BIRC6: variants seen among roughly 807,000 people sequenced by gnomAD.
BIRC6 encodes the protein dual E2 ubiquitin-conjugating enzyme/E3 ubiquitin-protein ligase BIRC6.
BIRC6 carries 98 observed loss-of-function variants against 503.3 expected under a neutral mutation model. The ratio of observed to expected loss-of-function variants is 0.19; its 90% confidence interval spans 0.17 to 0.23. The LOEUF is 0.23. Among genes scored for constraint, BIRC6 ranks in the 10% least tolerant of loss-of-function variants. The pLI is 1.00. For synonymous variants in BIRC6, 2,240 were observed against 2,078.7 expected (o/e 1.08, Z -2.11); for missense variants, 5,360 against 5,806.0 (o/e 0.92, Z 2.50).
At chr2:32,448,997 A>G in intron 22 of BIRC6, 69 bp downstream of exon 22, 1 of 1,433,570 alleles carries the variant, frequency 7.0e-7, no homozygotes, top group Non-Finnish European at 9.6e-7. Flanking sequence ...ATTTGACTTA[A>G]TAGATTATAG....
intron 22 of BIRC6, chr2:32,449,285 G>T: frequency 6.2e-6 from 1 of 161,560 alleles, no homozygotes; most frequent in Non-Finnish European, 1.3e-5. Context: ...AGTTAAAAAA[G>T]ATTTCCTATT....
chr2:32,389,895 C>T (rs185270908), intron 4 of BIRC6, among the ~76,000 whole-genome samples: 50 of 149,402 alleles, frequency 3.3e-4, no homozygotes, highest in Middle Eastern at 6.9e-3. Context: ...GAGTTTCGCT[C>T]GTTGCCCAGG....
chr2:32,469,930 A>G (rs879590143), intron 30 of BIRC6, among the ~76,000 whole-genome samples: 15 of 152,196 alleles, frequency 9.9e-5, no homozygotes, highest in Non-Finnish European at 1.9e-4. Context: ...TCTCTCATTC[A>G]CTAAGTGCTT....
chr2:32,480,975 C>T (rs948581388), intron 37 of BIRC6, among the ~76,000 whole-genome samples: 1 of 151,980 alleles, frequency 6.6e-6, no homozygotes, highest in African/African-American at 2.4e-5. Context: ...GTCCTGTTTG[C>T]TTTTCTCTTT....
intron 21 of BIRC6, 115 bp from the exon 22 acceptor site, chr2:32,448,680 G>A (rs1410291526): frequency 6.3e-6 from 5 of 795,202 alleles, no homozygotes; most frequent in Admixed American, 5.5e-5. Context: ...GAGGGGAGAG[G>A]GGAGAGGGAG....
intron 4 of BIRC6, 75 bp downstream of exon 4, chr2:32,389,018 A>T: frequency 1.0e-6 from 1 of 987,542 alleles, no homozygotes; most frequent in Non-Finnish European, 1.3e-6. Flanking sequence ...AATAACTAGA[A>T]AATCTGGTTA....
intron 10 of BIRC6, among the ~76,000 whole-genome samples, chr2:32,421,507 C>A (rs1309300742): frequency 6.6e-6 from 1 of 152,110 alleles, no homozygotes; most frequent in East Asian, 1.9e-4. Context: ...AGTGATACCT[C>A]CTAAATTTTG....
chr2:32,358,696 G>A (rs2033581759), intron 1 of BIRC6, among the ~76,000 whole-genome samples: 1 of 152,164 alleles, frequency 6.6e-6, no homozygotes. Flanking sequence ...GGCAATTTAG[G>A]GATGCAAACG....
At chr2:32,559,720 TAA>T (rs371576069) in intron 65 of BIRC6, among the ~76,000 whole-genome samples, 6 of 137,994 alleles carry the variant, frequency 4.3e-5, no homozygotes, top group Non-Finnish European at 4.8e-5. Context: ...TCAAAATCTT[TAA>T]AAAAAAAAAA....
intron 12 of BIRC6, among the ~76,000 whole-genome samples, chr2:32,433,358 G>A (rs1188085933): frequency 6.6e-6 from 1 of 152,178 alleles, no homozygotes; most frequent in Non-Finnish European, 1.5e-5. Flanking sequence ...GTGGGTACCA[G>A]GAATTTGCAC....
At chr2:32,513,776 G>A (rs947783324) in intron 54 of BIRC6, among the ~76,000 whole-genome samples, 1 of 152,212 alleles carries the variant, frequency 6.6e-6, no homozygotes, top group African/African-American at 2.4e-5. Flanking sequence ...CGGCGTGGTG[G>A]CGCGTGTCTG....
At chr2:32,585,397 T>G (rs78369995) in intron 66 of BIRC6, among the ~76,000 whole-genome samples, 1 of 152,010 alleles carries the variant, frequency 6.6e-6, no homozygotes, top group African/African-American at 2.4e-5. Flanking sequence ...TTTTTTTTTT[T>G]GAGACAAAGT....
intron 66 of BIRC6, among the ~76,000 whole-genome samples, chr2:32,588,099 C>A (rs1259447932): frequency 6.6e-6 from 1 of 152,162 alleles, no homozygotes. Flanking sequence ...GTGGCTCACG[C>A]CTGTAATCCC....
intron 3 of BIRC6, among the ~76,000 whole-genome samples, chr2:32,385,007 C>A (rs2038230209): frequency 6.6e-6 from 1 of 152,150 alleles, no homozygotes; most frequent in Non-Finnish European, 1.5e-5. Context: ...ATCTAGCTAA[C>A]AAATTAGCAA....
chr2:32,586,095 C>T (rs977932991), intron 66 of BIRC6, among the ~76,000 whole-genome samples: 16 of 152,070 alleles, frequency 1.1e-4, no homozygotes, highest in African/African-American at 3.6e-4. Flanking sequence ...AGTCTAGCTA[C>T]TTCTATTTTT....
intron 42 of BIRC6, 90 bp from the exon 43 acceptor site, chr2:32,489,951 G>T: frequency 3.4e-6 from 3 of 874,954 alleles, no homozygotes; most frequent in Admixed American, 2.0e-5. Context: ...TAAAGAAATA[G>T]TGTCTTGTTT....
At chr2:32,371,898 C>T (rs1437949353) in intron 1 of BIRC6, among the ~76,000 whole-genome samples, 3 of 152,056 alleles carry the variant, frequency 2.0e-5, no homozygotes, top group African/African-American at 7.2e-5. Flanking sequence ...CTCCACCTCC[C>T]TGGTTCCAGT....
At chr2:32,602,380 A>T (rs1209513595) in intron 70 of BIRC6, 1 of 152,212 alleles carries the variant, frequency 6.6e-6, no homozygotes, top group Non-Finnish European at 1.5e-5. Context: ...AAGCTAAAAA[A>T]ATTGATCTCA....
intron 65 of BIRC6, among the ~76,000 whole-genome samples, chr2:32,556,695 T>C (rs908698502): frequency 2.0e-5 from 3 of 152,150 alleles, no homozygotes; most frequent in Admixed American, 6.5e-5. Context: ...AAGCCTGTAA[T>C]CCCAGCTCTT....
Sources: gnomAD v4.1 joint callset for allele counts (sites outside exome capture counted in the v4.1 genomes callset) on GRCh38, gnomAD v4.1.1 for gene constraint, MANE v1.5 for transcripts, NCBI Gene and HGNC (gene_info 2026-07-23, HGNC 2026-07-21) for gene names.